The following TGM3 variants were observed in gnomAD, a reference collection of about 807,000 sequenced individuals.
TGM3 encodes transglutaminase 3.
In TGM3, 52 loss-of-function variants were observed where a neutral mutation model predicts 73.8. The ratio of observed to expected loss-of-function variants is 0.70; its 90% CI spans 0.56 to 0.89. The LOEUF is 0.89. Among genes scored for constraint, TGM3 ranks in the 40% least tolerant of loss-of-function variants. The pLI is 0.00. For synonymous variants in TGM3, 372 were observed against 354.9 expected (o/e 1.05, Z -0.54); for missense variants, 928 against 909.9 (o/e 1.02, Z -0.26).
intron 10 of TGM3, among the ~76,000 whole-genome samples, chr20:2,334,000 T>C (rs2084334292): frequency 6.6e-6 from 1 of 152,164 alleles, no homozygotes; most frequent in African/African-American, 2.4e-5. Flanking sequence ...CAGTCTTACC[T>C]ACAAGAGTAT....
intron 5 of TGM3, among the ~76,000 whole-genome samples, chr20:2,314,530 TACACACACACACACACACACACAC>T (rs11473649): frequency 7.3e-6 from 1 of 136,704 alleles, no homozygotes; most frequent in Non-Finnish European, 1.6e-5. Flanking sequence ...CATCTACACA[TACACACACACACACACACACACAC>T]ACACACACAC....
intron 8 of TGM3, among the ~76,000 whole-genome samples, chr20:2,327,005 G>A (rs1004264332): frequency 1.3e-5 from 2 of 152,304 alleles, no homozygotes; most frequent in Non-Finnish European, 1.5e-5. Flanking sequence ...TTGGGGGCTT[G>A]GAGGTAACTG....
At chr20:2,321,565 G>A (rs921954348) in intron 7 of TGM3, among the ~76,000 whole-genome samples, 8 of 152,204 alleles carry the variant, frequency 5.3e-5, no homozygotes, top group Non-Finnish European at 1.0e-4. Context: ...GTAGAGCAGT[G>A]TTTTATAAAC....
rs181265494 is a variant in TGM3, at chr20:2,310,924, C to A, written c.422-87C>A. Reference sequence around the variant, plus strand: ...GTGGGGCTTGCTCCAACCCCCAGGCCGGTTCAGGAGTGGGAGGAGAGGAGG... The same window carrying A: ...GTGGGGCTTGCTCCAACCCCCAGGCAGGTTCAGGAGTGGGAGGAGAGGAGG... On this transcript the variant is annotated intron_variant, in intron 3 of 12. Transcript: ENST00000381458. The A allele has an allele frequency of 1.7e-5, 20 of 1,196,734 alleles. 1 individual carries two copies. The highest frequency in any genetic ancestry group is 1.2e-4 in the Admixed American group (7 of 58,658). 74.1% of individuals were successfully genotyped at this position (1,196,734 alleles called of 1,614,324 possible). A position where few individuals can be genotyped will look rare whatever the true frequency, so the allele number is the denominator to read the frequency against.
intron 5 of TGM3, 151 bp from the exon 6 acceptor site, chr20:2,316,917 C>T (rs1006557481): frequency 1.2e-4 from 105 of 909,736 alleles, no homozygotes; most frequent in Admixed American, 4.4e-4. Flanking sequence ...CAATGATCAT[C>T]CCCAAGTCAC....
chr20:2,302,084 GAAGTA>G (rs2084151456), intron 1 of TGM3, among the ~76,000 whole-genome samples: 1 of 152,212 alleles, frequency 6.6e-6, no homozygotes, highest in Admixed American at 6.5e-5. Context: ...AAAGGTGTGG[GAAGTA>G]GAGTCTGGTT....
chr20:2,298,970 C>G (rs2084127213), intron 1 of TGM3, among the ~76,000 whole-genome samples: 1 of 152,042 alleles, frequency 6.6e-6, no homozygotes, highest in Non-Finnish European at 1.5e-5. Flanking sequence ...TTAGAGACAG[C>G]CCATGAGCAG....
rs2122218593 is a variant in TGM3 at position 2,310,184 on chromosome 20, A to G, written c.188A>G (p.Tyr63Cys). ...CCTCTGTCTTCTTTGACAGGGCCTT[A>G]CCCCTCAGAGTCGGCCATGACGAAG... ...RLEFIVSTGPYPSESAMTKAV... is the reference protein window; with the variant it reads ...RLEFIVSTGPCPSESAMTKAV... The change falls in exon 3 of 13, where the codon TAC (tyrosine) becomes TGC (cysteine). Residue 63 changes from tyrosine to cysteine, a missense_variant. Physicochemically the swap from Tyr to Cys is radical, Grantham distance 194. Coordinates refer to ENST00000381458, the MANE Select transcript of TGM3 (RefSeq NM_003245.4). 1.2e-6 allele frequency: 2 copies of G among 1,614,026 alleles called. No individual in the cohort carries two copies. Among genetic ancestry groups the G allele is most frequent in the African/African-American group, 1.3e-5 (1 of 75,002 alleles).
chr20:2,324,618 C>A (rs886333623), intron 7 of TGM3, among the ~76,000 whole-genome samples: 1 of 152,174 alleles, frequency 6.6e-6, no homozygotes, highest in African/African-American at 2.4e-5. Flanking sequence ...GATTGAGGGT[C>A]ACCTAGAGGT....
rs527636194 is a variant in TGM3 at position 2,298,936 on chromosome 20, G to A, written c.7+2866G>A. On this transcript the variant is annotated intron_variant, in intron 1 of 12. Transcript: ENST00000381458. Reference sequence around the variant, plus strand: ...CCGGCTCCATGGCCTTCTTCCACCTGGGACAGCGGCTACTCCCTGTTCCTT... The same window carrying A: ...CCGGCTCCATGGCCTTCTTCCACCTAGGACAGCGGCTACTCCCTGTTCCTT... 4.2e-4 allele frequency among the ~76,000 whole-genome samples: 64 copies of A among 152,130 alleles called. No homozygotes were observed. In the Middle Eastern group the frequency reaches 0.01, roughly 24 times the overall value.
Position 2,339,871 on chromosome 20 carries a change from T to C in TGM3, c.1818T>C (p.Arg606=), listed in dbSNP as rs777427739. ...CCCCATAGGTGCTGAACGAGGCTCGTGTGCGGAAGCCTGTGAACGTGCAGA... is the reference window on the plus strand; with the variant it reads ...CCCCATAGGTGCTGAACGAGGCTCGCGTGCGGAAGCCTGTGAACGTGCAGA... ...TLTLEVLNEA[R]VRKPVNVQML... is the part of the protein sequence containing the mutation. Residue 606 remains arginine (R), a synonymous_variant, in exon 12 of 13, where the codon CGT becomes CGC. Transcript: ENST00000381458. 2 of 1,613,926 alleles carry C rather than the reference T, an allele frequency of 1.2e-6. No homozygotes were observed. The highest frequency in any genetic ancestry group is 1.7e-6 in the Non-Finnish European group (2 of 1,180,034).
In TGM3 at chr20:2,334,873, G is replaced by A. The variant is rs567231178; in HGVS notation, c.1643-243G>A. 3.9e-5 allele frequency among the ~76,000 whole-genome samples: 6 copies of A among 152,346 alleles called. No individual in the cohort carries two copies. Among genetic ancestry groups the A allele is most frequent in the South Asian group, 2.1e-4 (1 of 4,828 alleles). On this transcript the variant is annotated intron_variant, in intron 10 of 12. Coordinates refer to ENST00000381458, the MANE Select transcript of TGM3 (RefSeq NM_003245.4). The surrounding 1 kb of genome is among the most constrained non-coding windows in gnomAD (Gnocchi z 4.0). ...GCAGCGGTATCTTTAGCCCCTGTGA[G>A]CCCATCCTCCTGGGAATCTGCCCAG...
chr20:2,330,939 G>A, intron 9 of TGM3, among the ~76,000 whole-genome samples: 1 of 137,350 alleles, frequency 7.3e-6, no homozygotes, highest in East Asian at 2.3e-4. Context: ...CCAGGAGGTG[G>A]ATGTTGCAGT....
At position 2,328,135 on chromosome 20, in the gene TGM3, GC is replaced by G; in HGVS notation, c.1107del (p.Ala370LeufsTer13). On this transcript the variant is annotated frameshift_variant, in exon 9 of 13. Coordinates refer to ENST00000381458, the MANE Select transcript of TGM3 (RefSeq NM_003245.4). LOFTEE classifies it high-confidence loss of function. The surrounding 1 kb of genome is among the most constrained non-coding windows in gnomAD (Gnocchi z 5.2). ...QERSQGVFQC[G>X]PASVIGVREG... ...TGGCCTCCAGGGGTGTTCCAGTGCGGCCCCGCTTCGGTCATTGGTGTTCGAG... is the reference window on the plus strand; with the variant it reads ...TGGCCTCCAGGGGTGTTCCAGTGCGGCCCGCTTCGGTCATTGGTGTTCGAG... 2 of 1,614,178 alleles carry G rather than the reference GC, an allele frequency of 1.2e-6. No individual in the cohort carries two copies. The highest frequency in any genetic ancestry group is 1.7e-6 in the Non-Finnish European group (2 of 1,180,032).
intron 5 of TGM3, among the ~76,000 whole-genome samples, chr20:2,313,381 G>A (rs762017497): frequency 5.9e-5 from 9 of 152,184 alleles, no homozygotes; most frequent in Non-Finnish European, 1.3e-4. Context: ...CCATCATTGG[G>A]CCTCCTGGGA....
chr20:2,305,794 C>G (rs527534848), intron 1 of TGM3, among the ~76,000 whole-genome samples: 1 of 152,262 alleles, frequency 6.6e-6, no homozygotes, highest in Admixed American at 6.5e-5. Flanking sequence ...ACCAAGGCAC[C>G]TGGTTTCTCT....
chr20:2,321,794 G>T, intron 7 of TGM3, among the ~76,000 whole-genome samples: 1 of 152,132 alleles, frequency 6.6e-6, no homozygotes, highest in East Asian at 1.9e-4. Flanking sequence ...TCCACATGGC[G>T]CCACTGGGCA....
intron 11 of TGM3, among the ~76,000 whole-genome samples, chr20:2,339,628 G>T (rs1191206667): frequency 1.3e-5 from 2 of 152,146 alleles, no homozygotes; most frequent in Admixed American, 1.3e-4. Flanking sequence ...CAAAGCTGAG[G>T]TTCTCATCCA....
chr20:2,330,713 T>TA (rs1304359476), intron 9 of TGM3, among the ~76,000 whole-genome samples: 1 of 152,090 alleles, frequency 6.6e-6, no homozygotes, highest in African/African-American at 2.4e-5. Context: ...ATGCTTACAA[T>TA]AAGTCATCTG....
Sources: allele counts gnomAD v4.1 joint callset (sites outside exome capture counted in the v4.1 genomes callset), GRCh38; gene constraint gnomAD v4.1.1; non-coding constraint Gnocchi (gnomAD v3.1); transcripts MANE v1.5; gene names NCBI Gene and HGNC (gene_info 2026-07-23, HGNC 2026-07-21).